SDCCAG8: variants seen among roughly 807,000 people sequenced by gnomAD.
SDCCAG8 encodes the protein SHH signaling and ciliogenesis regulator SDCCAG8, also known as serologically defined colon cancer antigen 8.
A neutral mutation model predicts 101.8 loss-of-function variants in SDCCAG8; 74 were observed. That is an observed-to-expected ratio of 0.73 (90% CI 0.60 to 0.88). SDCCAG8 has a LOEUF of 0.88. Among genes scored for constraint, SDCCAG8 ranks in the 40% least tolerant of loss-of-function variants. The pLI, the probability that SDCCAG8 is intolerant of heterozygous loss-of-function variation, is 0.00. For synonymous variants in SDCCAG8, 281 were observed against 292.9 expected, an observed-to-expected ratio of 0.96 and a Z score of 0.41; for missense variants, 787 against 822.6, an observed-to-expected ratio of 0.96 and a Z score of 0.53.
intron 17 of SDCCAG8, among the ~76,000 whole-genome samples, chr1:243,493,333 G>A (rs1389561174): frequency 6.6e-6 from 1 of 152,148 alleles, no homozygotes; most frequent in Non-Finnish European, 1.5e-5. Context: ...GAGCCTGGGG[G>A]CTCTAACATC....
Position 243,454,739 on chromosome 1 carries a change from G to T in SDCCAG8, c.1985+28181G>T, listed in dbSNP as rs1360797686. On this transcript the variant is annotated intron_variant, in intron 16 of 17. Transcript: ENST00000366541. ...AGCCTGTGCTCCTGTACTATCTTCTGTTTGTCCCTGTTATCTTGTTTAGTG... is the reference window on the plus strand; with the variant it reads ...AGCCTGTGCTCCTGTACTATCTTCTTTTTGTCCCTGTTATCTTGTTTAGTG... 1.3e-5 allele frequency among the ~76,000 whole-genome samples: 2 copies of T among 152,134 alleles called. 1 individual carries two copies. The highest frequency in any genetic ancestry group is 1.3e-4 in the Admixed American group (2 of 15,280).
chr1:243,351,050 G>T (rs1479682219), intron 12 of SDCCAG8, among the ~76,000 whole-genome samples: 1 of 152,144 alleles, frequency 6.6e-6, no homozygotes, highest in Non-Finnish European at 1.5e-5. Flanking sequence ...TTTTTCAGAA[G>T]GTTTTTGGGG....
chr1:243,419,867 C>G (rs1049383681), intron 15 of SDCCAG8, among the ~76,000 whole-genome samples: 1 of 152,166 alleles, frequency 6.6e-6, no homozygotes, highest in African/African-American at 2.4e-5. Context: ...CTCTGTGCCC[C>G]TAGGCCCTCT....
intron 10 of SDCCAG8, among the ~76,000 whole-genome samples, chr1:243,339,894 A>C (rs1422451226): frequency 6.6e-6 from 1 of 152,224 alleles, no homozygotes; most frequent in Non-Finnish European, 1.5e-5. Context: ...TAACAGATAA[A>C]AATTGATAGG....
At chr1:243,375,901 C>T (rs2077572059) in intron 12 of SDCCAG8, among the ~76,000 whole-genome samples, 1 of 152,122 alleles carries the variant, frequency 6.6e-6, no homozygotes, top group Non-Finnish European at 1.5e-5. Context: ...AGTGTTGAGC[C>T]CTGGTCCAGC....
At chr1:243,348,330 A>T (rs573602345) in intron 12 of SDCCAG8, among the ~76,000 whole-genome samples, 1 of 150,986 alleles carries the variant, frequency 6.6e-6, no homozygotes, top group African/African-American at 2.4e-5. Context: ...GATTACAGGC[A>T]TGAGCCACCG....
chr1:243,393,944 A>C (rs1351759117), intron 13 of SDCCAG8, among the ~76,000 whole-genome samples: 1 of 152,188 alleles, frequency 6.6e-6, no homozygotes, highest in African/African-American at 2.4e-5. Flanking sequence ...TCAAAATATA[A>C]GCATAATTCA....
intron 16 of SDCCAG8, among the ~76,000 whole-genome samples, chr1:243,446,710 G>C (rs769308522): frequency 6.6e-6 from 1 of 152,072 alleles, no homozygotes; most frequent in Non-Finnish European, 1.5e-5. Context: ...TATATACTGA[G>C]CAAACCATCC....
chr1:243,353,121 C>T (rs964179840), intron 12 of SDCCAG8, among the ~76,000 whole-genome samples: 2 of 152,048 alleles, frequency 1.3e-5, no homozygotes, highest in African/African-American at 2.4e-5. Flanking sequence ...TCAAAGAGAA[C>T]ATAGTAGCTA....
chr1:243,489,016 T>C lies in SDCCAG8; in HGVS notation c.1988T>C (p.Leu663Pro). Reference sequence around the variant, plus strand: ...TTCTGCGGTGGATTTTTCTCCAGGCTAAGGCAGCTGGATAAGCACAGCCAG... The same window carrying C: ...TTCTGCGGTGGATTTTTCTCCAGGCCAAGGCAGCTGGATAAGCACAGCCAG... ...GRVHETMKQRLRQLDKHSQAT... is the reference protein window; with the variant it reads ...GRVHETMKQRPRQLDKHSQAT... Residue 663 changes from leucine (L) to proline (P), a missense_variant and splice_region_variant, in exon 17 of 18, where the codon CTA (leucine) becomes CCA (proline). Physicochemically the swap from Leu to Pro is moderately conservative, Grantham distance 98. Coordinates refer to ENST00000366541, the MANE Select transcript of SDCCAG8 (RefSeq NM_006642.5). 1.2e-6 allele frequency: 2 copies of C among 1,613,372 alleles called. No homozygotes were observed. The highest frequency in any genetic ancestry group is 1.7e-6 in the Non-Finnish European group (2 of 1,180,022).
In SDCCAG8 at chr1:243,499,825, A is replaced by G. The variant is rs1239262973; in HGVS notation, c.*40A>G. 3.1e-6 allele frequency: 5 copies of G among 1,594,732 alleles called. No homozygotes were observed. The highest frequency in any genetic ancestry group is 2.7e-5 in the African/African-American group (2 of 74,532). On this transcript the variant is annotated 3_prime_UTR_variant, in exon 18 of 18. Transcript: ENST00000366541. Reference sequence around the variant, plus strand: ...AGTGAAATAAATGATTTACAAAGAGATATTTACATTCATCTGGTTTAGACT... The same window carrying G: ...AGTGAAATAAATGATTTACAAAGAGGTATTTACATTCATCTGGTTTAGACT...
At chr1:243,317,622 T>C (rs774203876) in intron 9 of SDCCAG8, among the ~76,000 whole-genome samples, 1 of 152,186 alleles carries the variant, frequency 6.6e-6, no homozygotes, top group African/African-American at 2.4e-5. Flanking sequence ...CGCCCGGTCT[T>C]AGTAGCATCT....
chr1:243,265,899 TA>T (rs1445533229), intron 1 of SDCCAG8, among the ~76,000 whole-genome samples: 1 of 152,170 alleles, frequency 6.6e-6, no homozygotes. Flanking sequence ...ATTCTTTCCA[TA>T]TTTTTTTTCT....
At chr1:243,383,340 G>C (rs560408482) in intron 13 of SDCCAG8, among the ~76,000 whole-genome samples, 5 of 152,196 alleles carry the variant, frequency 3.3e-5, no homozygotes, top group African/African-American at 9.6e-5. Flanking sequence ...TGCAACTTTT[G>C]ACAAATTACT....
chr1:243,275,761 T>G (rs1428822439), intron 4 of SDCCAG8, among the ~76,000 whole-genome samples: 1 of 152,066 alleles, frequency 6.6e-6, no homozygotes, highest in African/African-American at 2.4e-5. Flanking sequence ...GCCTTTACTT[T>G]TTGGTATAAG....
rs79388615 is a variant in SDCCAG8 at position 243,290,621 on chromosome 1, G to A, written c.547-2470G>A. On this transcript the variant is annotated intron_variant, in intron 5 of 17. Coordinates refer to ENST00000366541, the MANE Select transcript of SDCCAG8 (RefSeq NM_006642.5). The stretch of plus-strand genomic sequence containing the variant: ...GACATTCATCACCTTATGTTTTGAC[G>A]TCTAGTAATGCTGAATTTTCTGAGA... Among the ~76,000 whole-genome samples the A allele has an allele frequency of 3.3e-3, 503 of 152,058 alleles. 5 individuals are homozygous for A. The highest frequency in any genetic ancestry group is 0.011 in the African/African-American group (476 of 41,456).
At chr1:243,411,333 T>C (rs2080160961) in intron 13 of SDCCAG8, among the ~76,000 whole-genome samples, 1 of 151,966 alleles carries the variant, frequency 6.6e-6, no homozygotes, top group South Asian at 2.1e-4. Context: ...CCCAGGCTGG[T>C]CTCGAACTCC....
chr1:243,266,001 C>T, intron 1 of SDCCAG8, among the ~76,000 whole-genome samples: 1 of 151,978 alleles, frequency 6.6e-6, no homozygotes, highest in Admixed American at 6.5e-5. Context: ...TTGAAAGCTC[C>T]ATGGAATACA....
intron 12 of SDCCAG8, among the ~76,000 whole-genome samples, chr1:243,371,176 G>A (rs961728092): frequency 1.3e-5 from 2 of 152,224 alleles, no homozygotes; most frequent in Admixed American, 1.3e-4. Context: ...TTGTCTCTGT[G>A]CTATTTGTGT....
Sources: allele counts gnomAD v4.1 joint callset (sites outside exome capture counted in the v4.1 genomes callset), GRCh38; gene constraint gnomAD v4.1.1; transcripts MANE v1.5; gene names NCBI Gene and HGNC (gene_info 2026-07-23, HGNC 2026-07-21).